The following CSGALNACT1 variants were observed in gnomAD, a reference collection of about 807,000 sequenced individuals.
The protein encoded by CSGALNACT1 is beta4GalNAcT-1.
Under a neutral mutation model 51.0 loss-of-function variants are expected in CSGALNACT1, and 52 were observed. That is an observed-to-expected ratio of 1.02 (90% confidence interval 0.82 to 1.29). The LOEUF (loss-of-function observed/expected upper bound fraction) is 1.29. CSGALNACT1 is among the 50% of genes most tolerant of loss of function. The pLI, the probability that CSGALNACT1 is intolerant of heterozygous loss-of-function variation, is 0.00. For missense variants in CSGALNACT1, 935 were observed against 679.2 expected (o/e 1.38, Z -4.19); for synonymous variants, 341 against 254.4 (o/e 1.34, Z -3.24).
intron 4 of CSGALNACT1, among the ~76,000 whole-genome samples, chr8:19,492,099 C>G (rs1466545627): frequency 1.3e-5 from 2 of 152,238 alleles, no homozygotes; most frequent in African/African-American, 4.8e-5. Context: ...CTCATGGGAA[C>G]ATTGGTAACT....
chr8:19,657,355 CTA>C (rs2154188188), intron 1 of CSGALNACT1, among the ~76,000 whole-genome samples: 1 of 151,432 alleles, frequency 6.6e-6, no homozygotes, highest in Admixed American at 6.6e-5. Flanking sequence ...AATCGAATTT[CTA>C]TGAGAAAAGG....
At chr8:19,647,705 A>C (rs1262081464) in intron 1 of CSGALNACT1, among the ~76,000 whole-genome samples, 1 of 152,222 alleles carries the variant, frequency 6.6e-6, no homozygotes, top group Non-Finnish European at 1.5e-5. Context: ...AAATATCTTC[A>C]ATTACCCCAA....
chr8:19,560,712 C>T (rs2040514637), intron 3 of CSGALNACT1, among the ~76,000 whole-genome samples: 2 of 152,170 alleles, frequency 1.3e-5, no homozygotes, highest in Admixed American at 1.3e-4. Context: ...CAAAGTATGA[C>T]ACTACTAAGT....
intron 1 of CSGALNACT1, among the ~76,000 whole-genome samples, chr8:19,613,202 T>C (rs2052538478): frequency 6.6e-6 from 1 of 152,164 alleles, no homozygotes; most frequent in South Asian, 2.1e-4. Flanking sequence ...AGCTCTTTAT[T>C]TCTATTCTGT....
chr8:19,670,845 T>C (rs1024545475), intron 1 of CSGALNACT1, among the ~76,000 whole-genome samples: 2 of 152,128 alleles, frequency 1.3e-5, no homozygotes, highest in African/African-American at 4.8e-5. Context: ...GCCCCTTTGG[T>C]TAATGTCCAT....
intron 3 of CSGALNACT1, among the ~76,000 whole-genome samples, chr8:19,563,749 C>T (rs756643913): frequency 4.6e-5 from 7 of 152,162 alleles, no homozygotes; most frequent in Non-Finnish European, 1.0e-4. Flanking sequence ...AGCCTCCTAA[C>T]ACAAGTCTGC....
At chr8:19,662,272 A>G (rs1358528406) in intron 1 of CSGALNACT1, among the ~76,000 whole-genome samples, 2 of 151,758 alleles carry the variant, frequency 1.3e-5, no homozygotes, top group African/African-American at 4.8e-5. Context: ...AATCTCAGCT[A>G]CTCAGGAGGC....
chr8:19,508,032 A>T (rs6586839), intron 3 of CSGALNACT1, among the ~76,000 whole-genome samples: 66,034 of 152,110 alleles, frequency 0.43, 15,509 homozygotes, highest in African/African-American at 0.62. Flanking sequence ...GATCCTCATG[A>T]TAACTAAATT....
At chr8:19,739,777 G>A (rs1382287070) in intron 1 of CSGALNACT1, among the ~76,000 whole-genome samples, 1 of 152,134 alleles carries the variant, frequency 6.6e-6, no homozygotes, top group South Asian at 2.1e-4. Flanking sequence ...TAGAAGACTT[G>A]TTCCTAATAA....
intron 1 of CSGALNACT1, among the ~76,000 whole-genome samples, chr8:19,707,587 C>T (rs1455820409): frequency 6.6e-6 from 1 of 152,108 alleles, no homozygotes; most frequent in Non-Finnish European, 1.5e-5. Flanking sequence ...TTGAGATTGT[C>T]CCAGGCCAAT....
rs2065473079 is a variant in CSGALNACT1, at chr8:19,757,456, G to A, written c.-297+394C>T. Among the ~76,000 whole-genome samples, 1 of 151,998 alleles carries A rather than the reference G, an allele frequency of 6.6e-6. No individual in the cohort carries two copies. The highest frequency in any genetic ancestry group is 1.5e-5 in the Non-Finnish European group (1 of 67,972). The stretch of plus-strand genomic sequence containing the variant: ...GTCGCGGTTGGCCGCGTACCTCCGC[G>A]TCACCCACGGCCTCTCTGCAGTGCG... On this transcript the variant is annotated intron_variant, in intron 1 of 1. Coordinates refer to the CSGALNACT1 transcript ENST00000517494. This position sits in a 1 kb window ranked among gnomAD's most constrained non-coding sequence, Gnocchi z 4.0.
chr8:19,502,124 A>T (rs2076526894), intron 4 of CSGALNACT1, among the ~76,000 whole-genome samples: 1 of 152,206 alleles, frequency 6.6e-6, no homozygotes, highest in South Asian at 2.1e-4. Context: ...CAGACCTTAT[A>T]AGTAACATAT....
chr8:19,455,260 T>A (rs1563487180), intron 5 of CSGALNACT1, among the ~76,000 whole-genome samples: 1 of 152,194 alleles, frequency 6.6e-6, no homozygotes. Flanking sequence ...ACTGAATCTT[T>A]AAACAAAATA....
rs1159626193 is a variant in CSGALNACT1 at position 19,541,553 on chromosome 8, A to ATTTTTTTTTTTTTTTTTTTTTTT, written c.-296-35446_-296-35424dup. On this transcript the variant is annotated intron_variant, in intron 3 of 9. Transcript: ENST00000454498. ...AGGTGTGAGCCACCGTGCTCAGCCA[A>ATTTTTTTTTTTTTTTTTTTTTTT]TTTTTTTTTTTTTTTTTTTTTTTTT... Among the ~76,000 whole-genome samples, 130 of 70,098 alleles carry ATTTTTTTTTTTTTTTTTTTTTTT rather than the reference A, an allele frequency of 1.9e-3. 22 individuals carry two copies. Among genetic ancestry groups the ATTTTTTTTTTTTTTTTTTTTTTT allele is most frequent in the East Asian group, 3.9e-3 (9 of 2,298 alleles). 46.0% of individuals were successfully genotyped at this position (70,098 alleles called of 152,430 possible). A position where few individuals can be genotyped will look rare whatever the true frequency, so the allele number is the denominator to read the frequency against.
chr8:19,457,507 G>A (rs560548090), intron 5 of CSGALNACT1: 9 of 423,846 alleles, frequency 2.1e-5, no homozygotes, highest in African/African-American at 1.5e-4. Flanking sequence ...CAGCTACTTG[G>A]GAAGCTGAGG....
intron 2 of CSGALNACT1, among the ~76,000 whole-genome samples, chr8:19,594,737 A>G (rs2048541172): frequency 6.6e-6 from 1 of 151,284 alleles, no homozygotes; most frequent in African/African-American, 2.4e-5. Flanking sequence ...TTTTTACTAG[A>G]GACAGGGTTT....
At chr8:19,483,799 T>C (rs1489025706) in intron 4 of CSGALNACT1, among the ~76,000 whole-genome samples, 1 of 152,224 alleles carries the variant, frequency 6.6e-6, no homozygotes, top group Non-Finnish European at 1.5e-5. Flanking sequence ...AATAATAAAT[T>C]ACTATTGACT....
At chr8:19,557,815 C>T (rs1247514175) in intron 3 of CSGALNACT1, among the ~76,000 whole-genome samples, 2 of 152,114 alleles carry the variant, frequency 1.3e-5, no homozygotes, top group African/African-American at 4.8e-5. Context: ...AAACATAAAC[C>T]CCATGAGGAA....
At chr8:19,607,150 G>A (rs140831100), upstream of CSGALNACT1, among the ~76,000 whole-genome samples, 13 of 146,194 alleles carry the variant, frequency 8.9e-5, no homozygotes, top group South Asian at 4.4e-4. Flanking sequence ...GCAAGACTCC[G>A]TCTCAAAAAA....
Sources: allele counts gnomAD v4.1 joint callset (sites outside exome capture counted in the v4.1 genomes callset), GRCh38; gene constraint gnomAD v4.1.1; non-coding constraint Gnocchi (gnomAD v3.1); transcripts MANE v1.5; gene names NCBI Gene and HGNC (gene_info 2026-07-23, HGNC 2026-07-21).